The following FBLN1 variants were observed in gnomAD, a reference collection of about 807,000 sequenced individuals.
FBLN1 encodes fibulin-1.
Under a neutral mutation model 89.7 loss-of-function variants are expected in FBLN1, and 34 were observed. The ratio of observed to expected loss-of-function variants is 0.38; its 90% CI spans 0.29 to 0.50. FBLN1 has a LOEUF of 0.50. Among genes scored for constraint, FBLN1 ranks in the 20% least tolerant of loss-of-function variants. FBLN1 has a pLI of 0.92. For missense variants in FBLN1, 777 were observed against 988.1 expected (o/e 0.79, Z 2.86); for synonymous variants, 393 against 391.3 (o/e 1.00, Z -0.05).
intron 3 of FBLN1, among the ~76,000 whole-genome samples, chr22:45,526,689 T>TCCCG (rs2088333236): frequency 6.6e-6 from 1 of 151,800 alleles, no homozygotes; most frequent in Admixed American, 6.6e-5. Flanking sequence ...TGTGGAGGAG[T>TCCCG]TGGGGGTCCC....
chr22:45,558,722 G>C (rs1379185680), intron 14 of FBLN1: 1 of 152,734 alleles, frequency 6.5e-6, no homozygotes. Context: ...ACTAGGCGTT[G>C]TGTCTCTTTC....
rs134817 is a variant in FBLN1, at chr22:45,557,177, A to T, written c.1697+6562A>T. The stretch of plus-strand genomic sequence containing the variant: ...GAGCCCACTGCCACACCTCTTTAGC[A>T]GTAAAGTGAGTGCTTTGGTCAGAGG... On this transcript the variant is annotated intron_variant, in intron 14 of 16. Coordinates refer to ENST00000327858, the MANE Select transcript of FBLN1 (RefSeq NM_006486.3). This position sits in a 1 kb window ranked among gnomAD's most constrained non-coding sequence, Gnocchi z 4.9. Among the ~76,000 whole-genome samples the T allele has an allele frequency of 2.6e-5, 4 of 152,270 alleles. No homozygotes were observed. The highest frequency in any genetic ancestry group is 2.1e-4 in the South Asian group (1 of 4,816).
In FBLN1 at chr22:45,550,318, T is replaced by G. The variant is rs1011320211; in HGVS notation, c.1574-174T>G. ...ACACTCTATAAATGTAAATACCCTATAAATGTAAGAACTGGCACAGGACGC... is the reference window on the plus strand; with the variant it reads ...ACACTCTATAAATGTAAATACCCTAGAAATGTAAGAACTGGCACAGGACGC... On this transcript the variant is annotated intron_variant, in intron 13 of 16. Transcript: ENST00000327858. The surrounding 1 kb of genome is among the most constrained non-coding windows in gnomAD (Gnocchi z 8.4). Among the ~76,000 whole-genome samples the G allele has an allele frequency of 6.6e-6, 1 of 152,220 alleles. No individual in the cohort carries two copies. Among genetic ancestry groups the G allele is most frequent in the African/African-American group, 2.4e-5 (1 of 41,458 alleles).
At position 45,548,750 on chromosome 22, in the gene FBLN1, C is replaced by A; in HGVS notation, c.1573+6C>A. The A allele has an allele frequency of 6.2e-7, 1 of 1,612,696 alleles. No homozygotes were observed. Among genetic ancestry groups the A allele is most frequent in the African/African-American group, 1.3e-5 (1 of 75,050 alleles). On this transcript the variant is annotated splice_donor_region_variant and intron_variant, in intron 13 of 16. Transcript: ENST00000327858. The stretch of plus-strand genomic sequence containing the variant: ...CAATGGCCGCAACTGCCAAGGTGAG[C>A]AGGAGGGATGCCCTGGGGTCCCTCA...
At position 45,563,128 on chromosome 22, in the gene FBLN1, C is replaced by T. The variant is rs1379915200; in HGVS notation, c.1698-11383C>T. The stretch of plus-strand genomic sequence containing the variant: ...TCACCACCCGGAAGGTGAGCCCCCA[C>T]AGTGGGGTGGTGGCCCTCACCAAGC... On this transcript the variant is annotated intron_variant, in intron 14 of 16. Transcript: ENST00000327858. The surrounding 1 kb of genome is among the most constrained non-coding windows in gnomAD (Gnocchi z 5.7). The T allele has an allele frequency of 6.2e-7, 1 of 1,613,360 alleles. No individual in the cohort carries two copies. The highest frequency in any genetic ancestry group is 1.7e-5 in the Admixed American group (1 of 60,016).
At chr22:45,589,126 T>C (rs1238106960) in intron 16 of FBLN1, among the ~76,000 whole-genome samples, 1 of 148,054 alleles carries the variant, frequency 6.8e-6, no homozygotes, top group Non-Finnish European at 1.5e-5. Flanking sequence ...TTTATATATA[T>C]AAAAAATATG....
Position 45,590,933 on chromosome 22 carries a change from C to G in FBLN1, c.1973-9374C>G, listed in dbSNP as rs1260320101. Among the ~76,000 whole-genome samples the G allele has an allele frequency of 6.6e-6, 1 of 151,704 alleles. No individual in the cohort carries two copies. The highest frequency in any genetic ancestry group is 2.1e-4 in the South Asian group (1 of 4,810). On this transcript the variant is annotated intron_variant, in intron 16 of 16. Transcript: ENST00000327858. This position sits in a 1 kb window ranked among gnomAD's most constrained non-coding sequence, Gnocchi z 4.1. ...ATTGGAGTGGACTCCGAGTTTGGGTCGGGGGCCCAGGAGGACCCCACCCAG... is the reference window on the plus strand; with the variant it reads ...ATTGGAGTGGACTCCGAGTTTGGGTGGGGGGCCCAGGAGGACCCCACCCAG...
At chr22:45,510,049 C>A (rs564271573) in intron 1 of FBLN1, among the ~76,000 whole-genome samples, 1 of 152,238 alleles carries the variant, frequency 6.6e-6, no homozygotes, top group Admixed American at 6.5e-5. Context: ...GGCTTCTGAT[C>A]ACATGCCTTT....
intron 14 of FBLN1, chr22:45,558,205 G>C (rs189858277): frequency 3.1e-4 from 204 of 666,924 alleles, no homozygotes; most frequent in Middle Eastern, 7.8e-4. Flanking sequence ...ACCTGCTCAA[G>C]CCCGATCACG....
At chr22:45,591,172 G>C (rs2089133005) in intron 16 of FBLN1, among the ~76,000 whole-genome samples, 1 of 152,216 alleles carries the variant, frequency 6.6e-6, no homozygotes, top group Non-Finnish European at 1.5e-5. Flanking sequence ...CTGGGCTCCA[G>C]TTCTGGTTTA....
intron 8 of FBLN1, 30 bp from the exon 9 acceptor site, chr22:45,541,199 C>A (rs900727606): frequency 6.2e-7 from 1 of 1,613,972 alleles, no homozygotes; most frequent in African/African-American, 1.3e-5. Context: ...CCAGGTTTAA[C>A]CACATGGTCT....
chr22:45,540,673 T>C (rs1602190306), intron 8 of FBLN1, among the ~76,000 whole-genome samples: 1 of 152,226 alleles, frequency 6.6e-6, no homozygotes, highest in Non-Finnish European at 1.5e-5. Context: ...GGACCATTCA[T>C]GGGTTCACAC....
At chr22:45,504,552 G>A (rs1362932313) in intron 1 of FBLN1, among the ~76,000 whole-genome samples, 1 of 152,142 alleles carries the variant, frequency 6.6e-6, no homozygotes, top group African/African-American at 2.4e-5. Context: ...TGGGACATCC[G>A]AGACTCCTGT....
At chr22:45,525,942 AC>A (rs2088322042) in intron 3 of FBLN1, among the ~76,000 whole-genome samples, 1 of 152,138 alleles carries the variant, frequency 6.6e-6, no homozygotes, top group African/African-American at 2.4e-5. Flanking sequence ...TGCCCTGAGA[AC>A]CGCCTGTCTC....
chr22:45,506,378 T>C (rs1456239727), intron 1 of FBLN1, among the ~76,000 whole-genome samples: 1 of 152,204 alleles, frequency 6.6e-6, no homozygotes, highest in African/African-American at 2.4e-5. Context: ...TTCTTAGCCA[T>C]TCAGTCATTC....
At chr22:45,541,804 G>T (rs2088559762) in intron 9 of FBLN1, among the ~76,000 whole-genome samples, 1 of 152,210 alleles carries the variant, frequency 6.6e-6, no homozygotes, top group Admixed American at 6.5e-5. Context: ...CTGCCCACCT[G>T]CTCCTACGTT....
rs918279662 is a variant in FBLN1, at chr22:45,527,973, A to G, written c.448A>G (p.Thr150Ala). The change falls in exon 4 of 17, where the codon ACC becomes GCC. Residue 150 changes from threonine to alanine, a missense_variant. Transcript: ENST00000327858. The stretch of plus-strand genomic sequence containing the variant: ...GGCATGCTGTGTCAAGAGCCAGGAG[A>G]CCGGAGATTTGGATGTCGGGGGCCT... ...FQACCVKSQETGDLDVGGLQE... is the reference protein window; with the variant it reads ...FQACCVKSQEAGDLDVGGLQE... The G allele has an allele frequency of 3.1e-6, 5 of 1,614,172 alleles. No individual in the cohort carries two copies. The highest frequency in any genetic ancestry group is 4.2e-6 in the Non-Finnish European group (5 of 1,180,028).
chr22:45,533,987 G>A lies in FBLN1; in HGVS notation c.784+89G>A, dbSNP rs1208900845. The A allele has an allele frequency of 9.6e-6, 15 of 1,558,960 alleles. No individual in the cohort carries two copies. In the South Asian group the frequency reaches 1.2e-4, roughly 13 times the overall value. On this transcript the variant is annotated intron_variant, in intron 7 of 16. Coordinates refer to ENST00000327858, the MANE Select transcript of FBLN1 (RefSeq NM_006486.3). ...GGGCAGCTCTGGGGTCTGGGCTCCC[G>A]CAGTCCTGCGCCCTCTGTGGCTGCC...
chr22:45,585,034 T>A (rs1371089852), intron 16 of FBLN1, among the ~76,000 whole-genome samples: 1 of 152,214 alleles, frequency 6.6e-6, no homozygotes, highest in African/African-American at 2.4e-5. Context: ...CCCACCAGCA[T>A]CCATAGCATC....
Sources: allele counts gnomAD v4.1 joint callset (sites outside exome capture counted in the v4.1 genomes callset), GRCh38; gene constraint gnomAD v4.1.1; non-coding constraint Gnocchi (gnomAD v3.1); transcripts MANE v1.5; gene names NCBI Gene and HGNC (gene_info 2026-07-23, HGNC 2026-07-21).